The following ADGRL4 variants were observed in gnomAD, a reference collection of about 807,000 sequenced individuals.
ADGRL4 encodes the protein adhesion G protein-coupled receptor L4.
ADGRL4 carries 90 observed loss-of-function variants against 74.8 expected under a neutral mutation model. The observed-to-expected ratio is 1.20, with a 90% confidence interval of 1.02 to 1.43. The LOEUF (loss-of-function observed/expected upper bound fraction) is 1.43, where lower values mean the gene tolerates loss of function less well. ADGRL4 is among the 40% of genes most tolerant of loss of function. The pLI is 0.00. For missense variants in ADGRL4, 881 were observed against 814.3 expected, an observed-to-expected ratio of 1.08 and a Z score of -1.00; for synonymous variants, 311 against 279.2, an observed-to-expected ratio of 1.11 and a Z score of -1.14.
At chr1:78,997,190 C>T (rs953181527) in intron 2 of ADGRL4, among the ~76,000 whole-genome samples, 6 of 151,976 alleles carry the variant, frequency 3.9e-5, no homozygotes, top group Non-Finnish European at 7.4e-5. Context: ...TAAAAGAAGT[C>T]AAATCGGGAT....
At chr1:78,935,503 G>C (rs12564245) in intron 7 of ADGRL4, among the ~76,000 whole-genome samples, 92,782 of 150,926 alleles carry the variant, frequency 0.61, 28,643 homozygotes, top group East Asian at 0.7. Flanking sequence ...TGCATGCTGT[G>C]CACGTTTCCC....
At chr1:78,940,921 C>G (rs974766715) in intron 3 of ADGRL4, among the ~76,000 whole-genome samples, 2 of 152,136 alleles carry the variant, frequency 1.3e-5, no homozygotes, top group African/African-American at 4.8e-5. Flanking sequence ...AAAGAAAGCT[C>G]CATTCACTAG....
rs186617673 is a variant in ADGRL4 at position 78,987,098 on chromosome 1, A to G, written c.172+17972T>C. The stretch of plus-strand genomic sequence containing the variant: ...TCTCAGATAATTTTTTTTACCAAGA[A>G]TATTAGTTAAAAGTACCTGCAAATC... On this transcript the variant is annotated intron_variant, in intron 2 of 14. Coordinates refer to ENST00000370742, the MANE Select transcript of ADGRL4 (RefSeq NM_022159.4). 8.1e-4 allele frequency among the ~76,000 whole-genome samples: 123 copies of G among 151,948 alleles called. 1 individual carries two copies. Among genetic ancestry groups the G allele is most frequent in the African/African-American group, 2.8e-3 (115 of 41,532 alleles).
intron 3 of ADGRL4, among the ~76,000 whole-genome samples, chr1:78,942,845 A>T (rs1649516570): frequency 6.6e-6 from 1 of 152,040 alleles, no homozygotes; most frequent in Non-Finnish European, 1.5e-5. Flanking sequence ...CAGAAAGATC[A>T]CTTGAGCCCA....
At chr1:78,987,127 A>G (rs897203160) in intron 2 of ADGRL4, among the ~76,000 whole-genome samples, 5 of 151,798 alleles carry the variant, frequency 3.3e-5, no homozygotes, top group African/African-American at 1.2e-4. Context: ...GCAAATCTCA[A>G]TATCTAAATC....
Position 78,938,091 on chromosome 1 carries a change from C to T in ADGRL4, c.576+9G>A, listed in dbSNP as rs751485857. Reference sequence around the variant, plus strand: ...TCAATTATATTGAGTTAAAGCTGAACATACTTACAGTAAGAGTTGAGTTAG... The same window carrying T: ...TCAATTATATTGAGTTAAAGCTGAATATACTTACAGTAAGAGTTGAGTTAG... On this transcript the variant is annotated intron_variant, in intron 5 of 14. Transcript: ENST00000370742. 3.1e-6 allele frequency: 5 copies of T among 1,611,648 alleles called. No individual in the cohort carries two copies. Among genetic ancestry groups the T allele is most frequent in the Admixed American group, 3.4e-5 (2 of 59,498 alleles).
intron 3 of ADGRL4, among the ~76,000 whole-genome samples, chr1:78,939,980 C>T (rs1258566534): frequency 6.6e-6 from 1 of 152,056 alleles, no homozygotes; most frequent in Non-Finnish European, 1.5e-5. Flanking sequence ...TTAATTCCTC[C>T]AATCAATTTT....
At chr1:78,918,076 A>G in intron 10 of ADGRL4, 26 bp from the exon 11 acceptor site, 1 of 1,518,966 alleles carries the variant, frequency 6.6e-7, no homozygotes, top group Non-Finnish European at 9.0e-7. Flanking sequence ...AAAAAAAAAA[A>G]CATTGTCAGT....
In ADGRL4 at chr1:78,947,595, TA is replaced by T. The variant is rs1329680003; in HGVS notation, c.173-1170del. 4.7e-5 allele frequency among the ~76,000 whole-genome samples: 7 copies of T among 148,842 alleles called. No homozygotes were observed. The East Asian group carries it at 6.6e-4, about 14-fold the overall frequency. Reference sequence around the variant, plus strand: ...ATATTTTAAGCCACTAATTTGGTCATATTTTTTTATGGCAGCCCTAGAAAAC... The same window carrying T: ...ATATTTTAAGCCACTAATTTGGTCATTTTTTTTATGGCAGCCCTAGAAAAC... On this transcript the variant is annotated intron_variant, in intron 2 of 14. Coordinates refer to ENST00000370742, the MANE Select transcript of ADGRL4 (RefSeq NM_022159.4).
At chr1:78,956,767 TGA>T (rs1192068924) in intron 2 of ADGRL4, among the ~76,000 whole-genome samples, 2 of 152,108 alleles carry the variant, frequency 1.3e-5, no homozygotes, top group African/African-American at 4.8e-5. Flanking sequence ...TTGTAAATAA[TGA>T]GACAAAGAAG....
chr1:78,950,578 G>T (rs1649702532), intron 2 of ADGRL4, among the ~76,000 whole-genome samples: 4 of 152,034 alleles, frequency 2.6e-5, no homozygotes, highest in African/African-American at 9.7e-5. Context: ...AAAGAAGTAG[G>T]GAATATTTCA....
At chr1:78,990,619 T>A (rs12123867) in intron 2 of ADGRL4, among the ~76,000 whole-genome samples, 42,258 of 151,832 alleles carry the variant, frequency 0.28, 5,914 homozygotes, top group Non-Finnish European at 0.29. Flanking sequence ...ATTTTTTTAA[T>A]ATATTTGTCT....
intron 12 of ADGRL4, among the ~76,000 whole-genome samples, chr1:78,897,717 A>T (rs1465073131): frequency 6.6e-6 from 1 of 152,184 alleles, no homozygotes; most frequent in Admixed American, 6.6e-5. Flanking sequence ...TTCTTTCATT[A>T]CTCAAAATTT....
intron 12 of ADGRL4, 88 bp downstream of exon 12, chr1:78,917,546 T>G: frequency 1.3e-6 from 1 of 754,282 alleles, no homozygotes; most frequent in Non-Finnish European, 2.1e-6. Flanking sequence ...ATTCTTCTTT[T>G]TTAGAATAAC....
chr1:78,899,277 T>C (rs1288615101), intron 12 of ADGRL4, among the ~76,000 whole-genome samples: 1 of 152,236 alleles, frequency 6.6e-6, no homozygotes, highest in Non-Finnish European at 1.5e-5. Context: ...GGGTTTCTAC[T>C]GACTGGCCTA....
chr1:78,986,755 T>G (rs1557521608), intron 2 of ADGRL4, among the ~76,000 whole-genome samples: 1 of 151,822 alleles, frequency 6.6e-6, no homozygotes. Flanking sequence ...ATTAAAATAT[T>G]TTCCCAGTTA....
At chr1:78,939,373 TAACACTTG>T in intron 3 of ADGRL4, 115 bp from the exon 4 acceptor site, 2 of 1,075,132 alleles carry the variant, frequency 1.9e-6, no homozygotes, top group South Asian at 7.3e-5. Context: ...AGACATTCTC[TAACACTTG>T]AATTTCCTCT....
chr1:78,940,100 AT>A (rs1300486740), intron 3 of ADGRL4, among the ~76,000 whole-genome samples: 2 of 152,154 alleles, frequency 1.3e-5, no homozygotes, highest in Admixed American at 6.5e-5. Flanking sequence ...ATGATGTAAC[AT>A]TTAGTTCTAA....
intron 2 of ADGRL4, among the ~76,000 whole-genome samples, chr1:78,968,972 G>A (rs1650115446): frequency 6.6e-6 from 1 of 152,174 alleles, no homozygotes; most frequent in Non-Finnish European, 1.5e-5. Context: ...AGAATATCAA[G>A]CAAATCAAGA....
Sources: allele counts gnomAD v4.1 joint callset (sites outside exome capture counted in the v4.1 genomes callset), GRCh38; gene constraint gnomAD v4.1.1; transcripts MANE v1.5; gene names NCBI Gene and HGNC (gene_info 2026-07-23, HGNC 2026-07-21).